The following DYM variants were observed in gnomAD, a reference collection of about 807,000 sequenced individuals.
DYM encodes the protein dymeclin, also known as dyggve-Melchior-Clausen syndrome protein.
Under a neutral mutation model 93.1 loss-of-function variants are expected in DYM, and 78 were observed. The observed-to-expected ratio is 0.84, with a 90% CI of 0.70 to 1.01. The LOEUF is 1.01. Ranked by LOEUF, DYM falls within the 50% of genes least tolerant of loss-of-function variation. DYM has a pLI of 0.00. For missense variants in DYM, 789 were observed against 845.0 expected (o/e 0.93, Z 0.82); for synonymous variants, 321 against 319.7 (o/e 1.00, Z -0.04).
intron 17 of DYM, among the ~76,000 whole-genome samples, chr18:49,062,323 C>T (rs1236476853): frequency 3.3e-5 from 5 of 152,172 alleles, no homozygotes; most frequent in Admixed American, 3.3e-4. Context: ...CTGTCACCAA[C>T]GATTAACTTT....
At chr18:49,340,155 T>C (rs1043016765) in intron 6 of DYM, among the ~76,000 whole-genome samples, 4 of 152,066 alleles carry the variant, frequency 2.6e-5, no homozygotes, top group Admixed American at 2.0e-4. Context: ...GGTTTCACTG[T>C]GTTAGCCAGG....
chr18:49,269,902 G>A (rs570839036), intron 11 of DYM, among the ~76,000 whole-genome samples: 47 of 152,306 alleles, frequency 3.1e-4, no homozygotes, highest in African/African-American at 1.0e-3. Context: ...CATTGATTCA[G>A]TCAGTGCCAC....
rs182529001 is a variant in DYM at position 49,342,614 on chromosome 18, G to A, written c.495-8761C>T. ...TATCTGCCAGATTAGGAGGGGAGGT[G>A]AGGATAATAAAAATATAGTCATGGG... On this transcript the variant is annotated intron_variant, in intron 6 of 17. Transcript: ENST00000675505. Among the ~76,000 whole-genome samples, 3 of 152,266 alleles carry A rather than the reference G, an allele frequency of 2.0e-5. No individual in the cohort carries two copies. In the East Asian group the frequency reaches 5.8e-4, roughly 29 times the overall value.
intron 13 of DYM, among the ~76,000 whole-genome samples, chr18:49,228,691 T>A (rs1238008136): frequency 6.6e-6 from 1 of 152,180 alleles, no homozygotes; most frequent in Non-Finnish European, 1.5e-5. Context: ...CCTCTAGAAC[T>A]AGGGTCCCTT....
intron 2 of DYM, among the ~76,000 whole-genome samples, chr18:49,400,098 G>A (rs752187036): frequency 6.6e-6 from 1 of 150,988 alleles, no homozygotes. Flanking sequence ...TTGCCACCAC[G>A]CCTGGCTAAT....
At chr18:49,318,788 T>C (rs1042933337) in intron 8 of DYM, among the ~76,000 whole-genome samples, 7 of 148,636 alleles carry the variant, frequency 4.7e-5, no homozygotes, top group African/African-American at 1.8e-4. Context: ...GGTAACATTA[T>C]TTCTTTTTCT....
intron 17 of DYM, among the ~76,000 whole-genome samples, chr18:49,087,678 C>G (rs1377569930): frequency 6.6e-6 from 1 of 152,108 alleles, no homozygotes; most frequent in Non-Finnish European, 1.5e-5. Context: ...GTTCTAGATC[C>G]TTGAGGAATC....
intron 8 of DYM, among the ~76,000 whole-genome samples, chr18:49,295,913 C>CTTAT (rs113289427): frequency 1.5e-3 from 225 of 151,336 alleles, no homozygotes; most frequent in African/African-American, 2.7e-3. Context: ...CAAAACCGTT[C>CTTAT]TTATTTATTT....
intron 2 of DYM, among the ~76,000 whole-genome samples, chr18:49,401,802 G>C (rs1374849967): frequency 1.3e-5 from 2 of 152,028 alleles, no homozygotes; most frequent in African/African-American, 2.4e-5. Flanking sequence ...GAAGCGGGTG[G>C]ATCACCTGAA....
intron 1 of DYM, among the ~76,000 whole-genome samples, chr18:49,459,997 CT>C (rs1166795975): frequency 1.3e-5 from 2 of 152,068 alleles, no homozygotes; most frequent in Non-Finnish European, 2.9e-5. Context: ...CTAAAAACCA[CT>C]GAGTTGTACT....
intron 14 of DYM, among the ~76,000 whole-genome samples, chr18:49,199,634 C>T (rs2091837821): frequency 6.6e-6 from 1 of 152,162 alleles, no homozygotes; most frequent in African/African-American, 2.4e-5. Context: ...TAAAGCACAG[C>T]CACAACAGAA....
At chr18:49,135,108 C>T (rs965019891) in intron 15 of DYM, among the ~76,000 whole-genome samples, 43 of 151,548 alleles carry the variant, frequency 2.8e-4, no homozygotes, top group African/African-American at 1.0e-3. Flanking sequence ...AACTCCATCT[C>T]GGAAAAAAAC....
intron 2 of DYM, among the ~76,000 whole-genome samples, chr18:49,428,961 T>TA (rs35442685): frequency 0.091 from 13,883 of 152,260 alleles, 850 homozygotes; most frequent in East Asian, 0.31. Context: ...TTTATTATCT[T>TA]ACAGTTCTGT....
intron 2 of DYM, among the ~76,000 whole-genome samples, chr18:49,421,809 A>G (rs2073744933): frequency 6.6e-6 from 1 of 152,252 alleles, no homozygotes; most frequent in Non-Finnish European, 1.5e-5. Context: ...GAAGCCCTTA[A>G]ATGACCTTAT....
chr18:49,097,758 C>T (rs2079690882), intron 16 of DYM, among the ~76,000 whole-genome samples: 1 of 152,172 alleles, frequency 6.6e-6, no homozygotes, highest in South Asian at 2.1e-4. Context: ...CTGAATTCTA[C>T]TCTTTCTTGT....
chr18:49,220,814 C>T (rs952211283), intron 13 of DYM, among the ~76,000 whole-genome samples: 3 of 152,098 alleles, frequency 2.0e-5, no homozygotes, highest in Non-Finnish European at 4.4e-5. Flanking sequence ...AGAAGAAAAC[C>T]TAGGCAATAC....
At chr18:49,125,004 A>C (rs1393203236) in intron 15 of DYM, among the ~76,000 whole-genome samples, 2 of 152,248 alleles carry the variant, frequency 1.3e-5, no homozygotes, top group Non-Finnish European at 2.9e-5. Flanking sequence ...TCACGCCTGT[A>C]ATCCCAGCAC....
intron 9 of DYM, among the ~76,000 whole-genome samples, chr18:49,282,395 A>T (rs2095009949): frequency 6.6e-6 from 1 of 152,156 alleles, no homozygotes; most frequent in Non-Finnish European, 1.5e-5. Context: ...CAGGTGGATC[A>T]TGAGGTCAGA....
chr18:49,152,161 A>C (rs1017768272), intron 15 of DYM, among the ~76,000 whole-genome samples: 7 of 152,204 alleles, frequency 4.6e-5, no homozygotes, highest in Non-Finnish European at 1.0e-4. Flanking sequence ...AAGGAACATA[A>C]AAGTTTTTTA....
Sources: allele counts gnomAD v4.1 joint callset (sites outside exome capture counted in the v4.1 genomes callset), GRCh38; gene constraint gnomAD v4.1.1; transcripts MANE v1.5; gene names NCBI Gene and HGNC (gene_info 2026-07-23, HGNC 2026-07-21).